The following CNTNAP2 variants were observed in gnomAD, a reference collection of about 807,000 sequenced individuals.
The protein encoded by CNTNAP2 is contactin associated protein 2.
In CNTNAP2, 98 loss-of-function variants were observed where a neutral mutation model predicts 155.2. The ratio of observed to expected loss-of-function variants is 0.63; its 90% CI spans 0.54 to 0.75. The LOEUF (loss-of-function observed/expected upper bound fraction) is 0.75. Ranked by LOEUF, CNTNAP2 falls within the 30% of genes least tolerant of loss-of-function variation. CNTNAP2 has a pLI of 0.00. For missense variants in CNTNAP2, 1,727 were observed against 1,688.1 expected, an observed-to-expected ratio of 1.02 and a Z score of -0.40; for synonymous variants, 651 against 631.2, an observed-to-expected ratio of 1.03 and a Z score of -0.47.
chr7:147,524,246 C>T (rs899738792), intron 11 of CNTNAP2, among the ~76,000 whole-genome samples: 4 of 152,050 alleles, frequency 2.6e-5, no homozygotes, highest in Non-Finnish European at 5.9e-5. Context: ...CGTGGCTAGC[C>T]GGGCATGGTG....
chr7:147,208,031 C>T (rs62481846), intron 8 of CNTNAP2, among the ~76,000 whole-genome samples: 2,813 of 152,050 alleles, frequency 0.019, 44 homozygotes, highest in Non-Finnish European at 0.03. Context: ...TGGATGAACA[C>T]GCCTTGACAA....
At position 147,837,987 on chromosome 7, in the gene CNTNAP2, G is replaced by A. The variant is rs182002953; in HGVS notation, c.2099-65578G>A. ...CCGCCCCTGCAGCAAATTTCTGCCT[G>A]GACATCCAGGCATTTCCATACATCT... On this transcript the variant is annotated intron_variant, in intron 13 of 23. Coordinates refer to ENST00000361727, the MANE Select transcript of CNTNAP2 (RefSeq NM_014141.6). Among the ~76,000 whole-genome samples the A allele has an allele frequency of 1.7e-3, 252 of 152,278 alleles. 1 individual carries two copies. The highest frequency in any genetic ancestry group is 2.4e-3 in the Non-Finnish European group (164 of 68,028).
chr7:146,943,418 G>T (rs527918666), intron 3 of CNTNAP2, among the ~76,000 whole-genome samples: 1 of 152,236 alleles, frequency 6.6e-6, no homozygotes, highest in African/African-American at 2.4e-5. Flanking sequence ...CTTAAACCTG[G>T]GAGACAGAGG....
chr7:147,365,410 A>G (rs971174498), intron 9 of CNTNAP2, among the ~76,000 whole-genome samples: 23 of 141,460 alleles, frequency 1.6e-4, no homozygotes, highest in African/African-American at 4.4e-4. Context: ...AAAAAAAAAC[A>G]AAGAAACTTA....
chr7:147,393,876 A>C (rs960887561), intron 9 of CNTNAP2, among the ~76,000 whole-genome samples: 1 of 152,084 alleles, frequency 6.6e-6, no homozygotes, highest in Non-Finnish European at 1.5e-5. Flanking sequence ...TAATCCTTAT[A>C]GGAGATTCAA....
intron 3 of CNTNAP2, among the ~76,000 whole-genome samples, chr7:147,040,769 A>G (rs995745879): frequency 6.6e-6 from 1 of 151,976 alleles, no homozygotes; most frequent in Non-Finnish European, 1.5e-5. Flanking sequence ...GGAAGAGTAG[A>G]ATATTAAGAG....
intron 1 of CNTNAP2, among the ~76,000 whole-genome samples, chr7:146,748,600 A>G (rs1040793980): frequency 6.6e-6 from 1 of 152,216 alleles, no homozygotes; most frequent in Non-Finnish European, 1.5e-5. Flanking sequence ...TAAAAATCCT[A>G]TGCCACCATT....
intron 21 of CNTNAP2, among the ~76,000 whole-genome samples, chr7:148,287,667 A>G (rs1298021221): frequency 1.3e-5 from 2 of 152,204 alleles, no homozygotes; most frequent in African/African-American, 4.8e-5. Context: ...TGGGAAGTCC[A>G]AGGTCCAGGG....
At chr7:146,721,855 T>TTA (rs1346188351) in intron 1 of CNTNAP2, among the ~76,000 whole-genome samples, 3 of 105,438 alleles carry the variant, frequency 2.8e-5, no homozygotes, top group African/African-American at 6.9e-5. Context: ...TATTCTACAT[T>TTA]TATATGTGTG....
At chr7:146,850,189 T>G (rs1377273187) in intron 3 of CNTNAP2, among the ~76,000 whole-genome samples, 2 of 152,200 alleles carry the variant, frequency 1.3e-5, no homozygotes, top group Non-Finnish European at 2.9e-5. Flanking sequence ...CTATGCCTTT[T>G]CAGAAGTCTA....
At chr7:147,642,674 G>A (rs1249637190) in intron 13 of CNTNAP2, among the ~76,000 whole-genome samples, 1 of 152,092 alleles carries the variant, frequency 6.6e-6, no homozygotes, top group African/African-American at 2.4e-5. Context: ...GAGAAAAACT[G>A]CTAAATTGAA....
intron 13 of CNTNAP2, among the ~76,000 whole-genome samples, chr7:147,738,128 C>G (rs764886787): frequency 3.3e-5 from 5 of 152,174 alleles, no homozygotes; most frequent in East Asian, 1.9e-4. Flanking sequence ...GAGCTGTAGA[C>G]TGGAGCTGTT....
chr7:146,712,304 C>CTATATAGTATACATATCTTATGTATACA, intron 1 of CNTNAP2, among the ~76,000 whole-genome samples: 1 of 122,010 alleles, frequency 8.2e-6, no homozygotes, highest in African/African-American at 3.7e-5. Flanking sequence ...CTTATGTATA[C>CTATATAGTATACATATCTTATGTATACA]TATATAGTAT....
chr7:147,915,952 A>G (rs1800152986), intron 14 of CNTNAP2, among the ~76,000 whole-genome samples: 1 of 152,176 alleles, frequency 6.6e-6, no homozygotes. Flanking sequence ...TCTTAACAGG[A>G]GATTCCTAGA....
chr7:146,241,152 C>T (rs537997310), intron 1 of CNTNAP2, among the ~76,000 whole-genome samples: 1 of 152,224 alleles, frequency 6.6e-6, no homozygotes, highest in Non-Finnish European at 1.5e-5. Context: ...CCATCAGGCC[C>T]CACCTCCAAT....
At chr7:146,637,812 A>G (rs1799624681) in intron 1 of CNTNAP2, among the ~76,000 whole-genome samples, 1 of 152,228 alleles carries the variant, frequency 6.6e-6, no homozygotes, top group Admixed American at 6.5e-5. Flanking sequence ...ATACTAAGAT[A>G]TGGGAAAAAA....
chr7:148,413,748 A>G (rs1404416360), intron 23 of CNTNAP2, among the ~76,000 whole-genome samples: 1 of 151,962 alleles, frequency 6.6e-6, no homozygotes, highest in African/African-American at 2.4e-5. Context: ...TTTATTTTGT[A>G]CTTAGGTTAG....
intron 11 of CNTNAP2, among the ~76,000 whole-genome samples, chr7:147,536,626 C>T (rs908563329): frequency 6.6e-6 from 1 of 152,148 alleles, no homozygotes; most frequent in Admixed American, 6.5e-5. Context: ...AATCTTTGGA[C>T]ATCTACTTCA....
chr7:147,787,145 A>C (rs1054742264), intron 13 of CNTNAP2, among the ~76,000 whole-genome samples: 1 of 152,234 alleles, frequency 6.6e-6, no homozygotes, highest in South Asian at 2.1e-4. Flanking sequence ...GAATACCTGC[A>C]GGTGTGCGCT....
Sources: allele counts gnomAD v4.1 joint callset (sites outside exome capture counted in the v4.1 genomes callset), GRCh38; gene constraint gnomAD v4.1.1; transcripts MANE v1.5; gene names NCBI Gene and HGNC (gene_info 2026-07-23, HGNC 2026-07-21).